The following NTRK2 variants were observed in gnomAD, a reference collection of about 807,000 sequenced individuals.
NTRK2 encodes the protein neurotrophic receptor tyrosine kinase 2.
NTRK2 carries 13 observed loss-of-function variants against 94.5 expected under a neutral mutation model. The observed-to-expected ratio is 0.14, with a 90% confidence interval of 0.09 to 0.22. The LOEUF (loss-of-function observed/expected upper bound fraction) is 0.22, where lower values mean the gene tolerates loss of function less well. Among genes scored for constraint, NTRK2 ranks in the 10% least tolerant of loss-of-function variants. The pLI is 1.00. For synonymous variants in NTRK2, 372 were observed against 407.4 expected (o/e 0.91, Z 1.05); for missense variants, 639 against 1,071.2 (o/e 0.60, Z 5.63).
At chr9:85,007,960 G>A (rs1031007785) in intron 17 of NTRK2, among the ~76,000 whole-genome samples, 3 of 152,146 alleles carry the variant, frequency 2.0e-5, no homozygotes, top group African/African-American at 7.2e-5. Flanking sequence ...GGGCATTGTG[G>A]CTAACACCTT....
chr9:84,776,617 G>A (rs1302756423), intron 12 of NTRK2, among the ~76,000 whole-genome samples: 1 of 152,206 alleles, frequency 6.6e-6, no homozygotes, highest in Non-Finnish European at 1.5e-5. Flanking sequence ...CATAGATGAT[G>A]GCAGAAGACA....
chr9:84,784,734 G>T (rs1447044843), intron 12 of NTRK2, among the ~76,000 whole-genome samples: 5 of 152,122 alleles, frequency 3.3e-5, no homozygotes, highest in African/African-American at 4.8e-5. Flanking sequence ...CTCCTGAGGG[G>T]GTGAGGGCAG....
chr9:84,812,596 G>A, intron 12 of NTRK2: 1 of 1,046,886 alleles, frequency 9.6e-7, no homozygotes, highest in Non-Finnish European at 1.2e-6. Flanking sequence ...CTGAAAGAGA[G>A]ATGAAATTCA....
At chr9:84,878,957 T>C (rs1026392958) in intron 14 of NTRK2, among the ~76,000 whole-genome samples, 1 of 152,222 alleles carries the variant, frequency 6.6e-6, no homozygotes, top group Admixed American at 6.5e-5. Context: ...TCGTCTTCCC[T>C]TGGAGATGCA....
intron 14 of NTRK2, among the ~76,000 whole-genome samples, chr9:84,907,652 G>A (rs1218820602): frequency 4.0e-5 from 6 of 150,098 alleles, no homozygotes; most frequent in East Asian, 3.9e-4. Flanking sequence ...TGTTGATAAA[G>A]CAACATTTTG....
intron 14 of NTRK2, among the ~76,000 whole-genome samples, chr9:84,914,696 A>G (rs1377939486): frequency 6.6e-6 from 1 of 152,034 alleles, no homozygotes; most frequent in Non-Finnish European, 1.5e-5. Context: ...CTTTTCCTGT[A>G]CTTTGGACAA....
chr9:84,974,978 G>A (rs1181532109), intron 17 of NTRK2, among the ~76,000 whole-genome samples: 2 of 152,182 alleles, frequency 1.3e-5, no homozygotes, highest in African/African-American at 2.4e-5. Flanking sequence ...AGGATGTTCT[G>A]AGCCCTGTCC....
In NTRK2 at chr9:85,013,363, C is replaced by T. The variant is rs373069043; in HGVS notation, c.2173-6843C>T. ...TGTCACCCAGGCTGGAATGCAGTGG[C>T]GTGATGTTGGCTCACTGCAACCTCT... On this transcript the variant is annotated intron_variant, in intron 17 of 18. Transcript: ENST00000277120. Among the ~76,000 whole-genome samples the T allele has an allele frequency of 2.9e-4, 44 of 152,170 alleles. 1 individual carries two copies. The East Asian group carries it at 7.6e-3, about 26-fold the overall frequency.
chr9:84,842,484 C>T (rs2074242077), intron 12 of NTRK2, among the ~76,000 whole-genome samples: 1 of 152,186 alleles, frequency 6.6e-6, no homozygotes, highest in African/African-American at 2.4e-5. Flanking sequence ...GATTTTACCT[C>T]CACTGCAGGC....
intron 12 of NTRK2, among the ~76,000 whole-genome samples, chr9:84,780,552 CA>C (rs564395061): frequency 1.8e-3 from 272 of 152,262 alleles, no homozygotes; most frequent in African/African-American, 5.9e-3. Context: ...GGCAGATGCA[CA>C]AGCAGTGAGA....
chr9:84,787,507 G>C (rs970707841), intron 12 of NTRK2, among the ~76,000 whole-genome samples: 2 of 151,984 alleles, frequency 1.3e-5, no homozygotes, highest in African/African-American at 2.4e-5. Context: ...ACTTATTCAG[G>C]GTACCAGGTC....
intron 14 of NTRK2, among the ~76,000 whole-genome samples, chr9:84,896,089 C>T (rs968665028): frequency 1.3e-5 from 2 of 152,120 alleles, no homozygotes; most frequent in Admixed American, 1.3e-4. Context: ...GTGAAATGAA[C>T]CTAGGTGTGT....
rs1832999641 is a variant in NTRK2, at chr9:85,025,663, C to T, written c.*4226C>T. On this transcript the variant is annotated 3_prime_UTR_variant, in exon 19 of 19. Coordinates refer to ENST00000277120, the MANE Select transcript of NTRK2 (RefSeq NM_006180.6). The stretch of plus-strand genomic sequence containing the variant: ...ATGACTGCATATACACACATACCCT[C>T]AATTCTCTTGCTTCCCCATTTTCTT... 1 of 233,104 alleles carries T rather than the reference C, an allele frequency of 4.3e-6. No individual in the cohort carries two copies. 14.4% of individuals were successfully genotyped at this position (233,104 alleles called of 1,614,324 possible). A position where few individuals can be genotyped will look rare whatever the true frequency, so the allele number is the denominator to read the frequency against.
chr9:84,801,328 AGAAAT>A (rs2070422691), intron 12 of NTRK2, among the ~76,000 whole-genome samples: 1 of 152,254 alleles, frequency 6.6e-6, no homozygotes, highest in Admixed American at 6.5e-5. Context: ...GCATCACTGT[AGAAAT>A]GAATCCTTTA....
At chr9:84,912,207 A>C (rs1286829204) in intron 14 of NTRK2, among the ~76,000 whole-genome samples, 1 of 152,182 alleles carries the variant, frequency 6.6e-6, no homozygotes, top group Non-Finnish European at 1.5e-5. Flanking sequence ...GTCTGAAAAA[A>C]ATGTGCATTC....
intron 12 of NTRK2, among the ~76,000 whole-genome samples, chr9:84,801,984 G>A (rs987940630): frequency 2.6e-5 from 4 of 152,308 alleles, no homozygotes; most frequent in African/African-American, 9.6e-5. Context: ...AAGGCCTCTT[G>A]TTCTTTAAGG....
intron 2 of NTRK2, among the ~76,000 whole-genome samples, chr9:84,697,423 G>A (rs1428231935): frequency 6.6e-6 from 1 of 152,124 alleles, no homozygotes; most frequent in Non-Finnish European, 1.5e-5. Context: ...CACAATTCTG[G>A]GCCTTCCCAC....
intron 17 of NTRK2, among the ~76,000 whole-genome samples, chr9:84,966,622 G>A (rs749349084): frequency 6.6e-6 from 1 of 152,040 alleles, no homozygotes; most frequent in Non-Finnish European, 1.5e-5. Context: ...TAGTAGAGAC[G>A]GGGTTTCACT....
intron 12 of NTRK2, among the ~76,000 whole-genome samples, chr9:84,777,776 A>C (rs2067194026): frequency 6.6e-6 from 1 of 152,200 alleles, no homozygotes; most frequent in African/African-American, 2.4e-5. Flanking sequence ...AGTCATAATT[A>C]GCAATTTTTC....
Sources: allele counts gnomAD v4.1 joint callset (sites outside exome capture counted in the v4.1 genomes callset), GRCh38; gene constraint gnomAD v4.1.1; transcripts MANE v1.5; gene names NCBI Gene and HGNC (gene_info 2026-07-23, HGNC 2026-07-21).